HMHB1: variants seen among roughly 807,000 people sequenced by gnomAD.
HMHB1 encodes the protein histocompatibility minor HB-1, also known as minor histocompatibility protein HB-1.
In HMHB1, 4 loss-of-function variants were observed where a neutral mutation model predicts 2.4. The observed-to-expected ratio is 1.65, with a 90% confidence interval of 0.81 to 3.77. HMHB1 has a LOEUF of 3.77. HMHB1 is among the 30% of genes most tolerant of loss of function. The pLI is 0.01. For missense variants in HMHB1, 57 were observed against 44.2 expected, an observed-to-expected ratio of 1.29 and a Z score of -0.82; for synonymous variants, 22 against 17.6, an observed-to-expected ratio of 1.25 and a Z score of -0.63.
chr5:143,820,384 T>A, intron 1 of HMHB1, 96 bp from the exon 2 acceptor site: 1 of 377,672 alleles, frequency 2.6e-6, no homozygotes, highest in Non-Finnish European at 5.0e-6. Context: ...CTAACACAAG[T>A]CCTCTTTACT....
intron 1 of HMHB1, among the ~76,000 whole-genome samples, chr5:143,819,053 A>G (rs1759779003): frequency 6.6e-6 from 1 of 152,200 alleles, no homozygotes; most frequent in Non-Finnish European, 1.5e-5. Flanking sequence ...CTCTATATCC[A>G]TCCTCCAACT....
Position 143,820,341 on chromosome 5 carries a change from A to AC in HMHB1, c.38-139_38-138insC, listed in dbSNP as rs1759797420. The AC allele has an allele frequency of 8.7e-6, 3 of 342,968 alleles. No individual in the cohort carries two copies. In the South Asian group the frequency reaches 1.5e-4, roughly 18 times the overall value. 21.2% of individuals were successfully genotyped at this position (342,968 alleles called of 1,614,324 possible). On this transcript the variant is annotated intron_variant, in intron 1 of 1. Coordinates refer to ENST00000289448, the MANE Select transcript of HMHB1 (RefSeq NM_021182.3). ...AGTAAAAAAAAAAAAAAAAAAAAAA[A>AC]AAAAAAAAACAGAACAAAACAAAAC... is the stretch of plus-strand genomic sequence containing the variant.
intron 1 of HMHB1, among the ~76,000 whole-genome samples, chr5:143,819,634 C>CA (rs34190658): frequency 0.031 from 2,527 of 82,366 alleles, 56 homozygotes; most frequent in Admixed American, 0.064. Flanking sequence ...GACTCTGTCT[C>CA]AAAAAAAAAA....
At chr5:143,819,374 G>A (rs775074975) in intron 1 of HMHB1, among the ~76,000 whole-genome samples, 1 of 152,206 alleles carries the variant, frequency 6.6e-6, no homozygotes, top group African/African-American at 2.4e-5. Context: ...CAACTTCCTT[G>A]TAGATATCTG....
intron 1 of HMHB1, among the ~76,000 whole-genome samples, chr5:143,817,742 A>G (rs58818735): frequency 6.6e-6 from 1 of 152,282 alleles, no homozygotes; most frequent in East Asian, 1.9e-4. Context: ...TGTGTGAAGA[A>G]TGATGGTGGT....
At chr5:143,816,655 C>T (rs989359617) in intron 1 of HMHB1, among the ~76,000 whole-genome samples, 3 of 152,206 alleles carry the variant, frequency 2.0e-5, no homozygotes, top group Non-Finnish European at 2.9e-5. Flanking sequence ...AATTATGCTG[C>T]TATAAACATG....
Position 143,820,691 on chromosome 5 carries a change from C to T in HMHB1, c.*123C>T, listed in dbSNP as rs1759804736. ...ACATATGCCCTTTGCCTCTGCTCTG[C>T]ACAGTGAAATGAAAAGTCAACCTTT... On this transcript the variant is annotated 3_prime_UTR_variant, in exon 2 of 2. Transcript: ENST00000289448. The T allele has an allele frequency of 3.4e-6, 2 of 588,750 alleles. No individual in the cohort carries two copies. The highest frequency in any genetic ancestry group is 2.7e-5 in the Admixed American group (1 of 37,008). 36.5% of individuals were successfully genotyped at this position (588,750 alleles called of 1,614,324 possible).
chr5:143,820,533 C>T lies in HMHB1; in HGVS notation c.91C>T (p.Leu31=). The change falls in exon 2 of 2, where the codon CTG becomes TTG. Residue 31 remains leucine (L), a synonymous_variant. Transcript: ENST00000289448. ...GGTTGAAGTTGAAGATGATGTGTATCTGAGGCACAGCTCTTCCCTGACTTA... is the reference window on the plus strand; with the variant it reads ...GGTTGAAGTTGAAGATGATGTGTATTTGAGGCACAGCTCTTCCCTGACTTA... The T allele has an allele frequency of 6.2e-7, 1 of 1,613,028 alleles. No individual in the cohort carries two copies. The highest frequency in any genetic ancestry group is 2.2e-5 in the East Asian group (1 of 44,860).
chr5:143,820,264 A>G (rs532575842), intron 1 of HMHB1, among the ~76,000 whole-genome samples: 4 of 141,130 alleles, frequency 2.8e-5, no homozygotes, highest in South Asian at 4.8e-4. Flanking sequence ...AGCTTATGCT[A>G]TGCAAATACC....
intron 1 of HMHB1, among the ~76,000 whole-genome samples, chr5:143,815,084 TGAAG>T (rs1261615549): frequency 6.6e-6 from 1 of 152,228 alleles, no homozygotes; most frequent in African/African-American, 2.4e-5. Context: ...GCTCCATGAA[TGAAG>T]GGATTAGGGG....
chr5:143,820,318 T>TTAAAAAAAAAAAAAAAAAAAAAAAAA (rs1224094703), intron 1 of HMHB1, among the ~76,000 whole-genome samples, 162 bp from the exon 2 acceptor site: 1 of 47,564 alleles, frequency 2.1e-5, no homozygotes, highest in Admixed American at 2.9e-4. Flanking sequence ...TCATCATAAG[T>TTAAAAAAAAAAAAAAAAAAAAAAAAA]AAAAAAAAAA....
chr5:143,820,224 A>G (rs1191546114), intron 1 of HMHB1, among the ~76,000 whole-genome samples: 4 of 151,104 alleles, frequency 2.6e-5, no homozygotes, highest in Non-Finnish European at 4.4e-5. Context: ...TGGGAAATTC[A>G]ATGAATAACA....
intron 1 of HMHB1, among the ~76,000 whole-genome samples, chr5:143,819,663 G>A (rs978379358): frequency 7.3e-5 from 11 of 151,546 alleles, no homozygotes; most frequent in African/African-American, 2.2e-4. Context: ...GGTGGGGGGC[G>A]GTGGGGAGCA....
At chr5:143,817,751 G>A (rs192089387) in intron 1 of HMHB1, among the ~76,000 whole-genome samples, 59 of 152,242 alleles carry the variant, frequency 3.9e-4, no homozygotes, top group African/African-American at 1.3e-3. Flanking sequence ...AATGATGGTG[G>A]TATTTTGATG....
In HMHB1 at chr5:143,820,622, G is replaced by A; in HGVS notation, c.*54G>A. 8.9e-7 allele frequency: 1 copy of A among 1,121,842 alleles called. No homozygotes were observed. The allele number at this position is 1,121,842 out of a possible 1,614,324, so 69.5% of individuals were successfully genotyped here. A position where few individuals can be genotyped will look rare whatever the true frequency, so the allele number is the denominator to read the frequency against. On this transcript the variant is annotated 3_prime_UTR_variant, in exon 2 of 2. Transcript: ENST00000289448. ...CAGAGTTTTGGTGTGGATGAGCAGG[G>A]ACAAATTGCTGAGCATGAAGAAGAG...
chr5:143,820,459 C>G (rs1467676502), intron 1 of HMHB1, 21 bp from the exon 2 acceptor site: 1 of 1,491,234 alleles, frequency 6.7e-7, no homozygotes, highest in Non-Finnish European at 9.3e-7. Context: ...CAAGTCTCAG[C>G]TAAGCCATTC....
At chr5:143,816,010 T>C (rs1759746163) in intron 1 of HMHB1, among the ~76,000 whole-genome samples, 1 of 152,142 alleles carries the variant, frequency 6.6e-6, no homozygotes, top group African/African-American at 2.4e-5. Context: ...CCAGCCCTCT[T>C]TTCCACTTTT....
intron 1 of HMHB1, 76 bp from the exon 2 acceptor site, chr5:143,820,404 G>A: frequency 8.8e-6 from 6 of 685,684 alleles, no homozygotes; most frequent in South Asian, 1.6e-5. Context: ...TCTGTTTGGA[G>A]TTTTATTAAT....
rs1036748201 is a variant in HMHB1 at position 143,820,671 on chromosome 5, T to G, written c.*103T>G. On this transcript the variant is annotated 3_prime_UTR_variant, in exon 2 of 2. Transcript: ENST00000289448. The stretch of plus-strand genomic sequence containing the variant: ...AGTAAAATTAAGCAAGTGGAACATA[T>G]GCCCTTTGCCTCTGCTCTGCACAGT... 5 of 743,162 alleles carry G rather than the reference T, an allele frequency of 6.7e-6. No homozygotes were observed. The African/African-American group carries it at 6.9e-5, about 10-fold the overall frequency. 46.0% of individuals were successfully genotyped at this position (743,162 alleles called of 1,614,324 possible).
Sources: gnomAD v4.1 joint callset for allele counts (sites outside exome capture counted in the v4.1 genomes callset) on GRCh38, gnomAD v4.1.1 for gene constraint, MANE v1.5 for transcripts, NCBI Gene and HGNC (gene_info 2026-07-23, HGNC 2026-07-21) for gene names.